The following NCOA2 variants were observed in gnomAD, a reference collection of about 807,000 sequenced individuals.
The protein encoded by NCOA2 is nuclear receptor coactivator 2.
In NCOA2, 21 loss-of-function variants were observed where a neutral mutation model predicts 145.1. That is an observed-to-expected ratio of 0.14 (90% CI 0.10 to 0.21). NCOA2 has a LOEUF of 0.21. NCOA2 is among the 10% of genes least tolerant of loss of function. The pLI is 1.00. For synonymous variants in NCOA2, 619 were observed against 637.5 expected (o/e 0.97, Z 0.44); for missense variants, 1,472 against 1,837.6 (o/e 0.80, Z 3.64).
chr8:70,384,808 G>T (rs1812513949), intron 1 of NCOA2, among the ~76,000 whole-genome samples: 1 of 152,164 alleles, frequency 6.6e-6, no homozygotes, highest in Non-Finnish European at 1.5e-5. Flanking sequence ...CCACAGGAAT[G>T]TAACAGGGAC....
chr8:70,157,941 A>G (rs1812472408), intron 10 of NCOA2, among the ~76,000 whole-genome samples: 1 of 152,222 alleles, frequency 6.6e-6, no homozygotes. Context: ...GGATAACTCC[A>G]TTCCATCTCC....
chr8:70,441,547 GA>G, the NCOA2 span, among the ~76,000 whole-genome samples: 1 of 148,162 alleles, frequency 6.7e-6, no homozygotes, highest in African/African-American at 2.5e-5. Context: ...GAAAGAGAGA[GA>G]AAGAAAGAGG....
At chr8:70,157,605 T>C (rs1481818433) in intron 10 of NCOA2, among the ~76,000 whole-genome samples, 2 of 152,228 alleles carry the variant, frequency 1.3e-5, no homozygotes, top group Non-Finnish European at 1.5e-5. Context: ...AAGAAATGAG[T>C]AGAGCTGTCT....
chr8:70,262,772 T>C (rs1279455835), intron 2 of NCOA2, among the ~76,000 whole-genome samples: 1 of 152,130 alleles, frequency 6.6e-6, no homozygotes, highest in Non-Finnish European at 1.5e-5. Flanking sequence ...CTTTTATCTT[T>C]AGGGAAGTGA....
chr8:70,207,519 C>T (rs750297167), intron 4 of NCOA2, among the ~76,000 whole-genome samples: 1 of 152,026 alleles, frequency 6.6e-6, no homozygotes, highest in Non-Finnish European at 1.5e-5. Context: ...TGAAAATGTG[C>T]GAAAATGAAT....
chr8:70,275,689 A>G (rs1426347335), intron 2 of NCOA2, among the ~76,000 whole-genome samples: 1 of 152,214 alleles, frequency 6.6e-6, no homozygotes, highest in African/African-American at 2.4e-5. Flanking sequence ...CAAAGACATA[A>G]AAGCAAATTT....
intron 1 of NCOA2, among the ~76,000 whole-genome samples, chr8:70,402,952 C>T (rs1214301528): frequency 6.9e-6 from 1 of 144,888 alleles, no homozygotes; most frequent in Non-Finnish European, 1.5e-5. Flanking sequence ...CAGCTCCTTC[C>T]CGTCCGCCCG....
intron 1 of NCOA2, among the ~76,000 whole-genome samples, chr8:70,310,039 A>G (rs557172231): frequency 6.6e-6 from 1 of 151,990 alleles, no homozygotes; most frequent in African/African-American, 2.4e-5. Flanking sequence ...TTCAGATCAA[A>G]TCAAAACACA....
At chr8:70,258,219 T>C (rs1823811298) in intron 2 of NCOA2, among the ~76,000 whole-genome samples, 2 of 152,228 alleles carry the variant, frequency 1.3e-5, no homozygotes, top group Admixed American at 6.5e-5. Context: ...TAATGCCCAA[T>C]GGGCATTTCT....
chr8:70,268,747 G>A lies in NCOA2; in HGVS notation c.-20+27997C>T, dbSNP rs1052395949. Among the ~76,000 whole-genome samples, 10 of 152,126 alleles carry A rather than the reference G, an allele frequency of 6.6e-5. 1 individual carries two copies. The highest frequency in any genetic ancestry group is 5.9e-4 in the Admixed American group (9 of 15,278). On this transcript the variant is annotated intron_variant, in intron 2 of 22. Coordinates refer to ENST00000452400, the MANE Select transcript of NCOA2 (RefSeq NM_006540.4). Reference sequence around the variant, plus strand: ...GAGTTAGTACAAGTAAAACAGAAAAGCACCTAACATGAATTCTGTACAAAT... The same window carrying A: ...GAGTTAGTACAAGTAAAACAGAAAAACACCTAACATGAATTCTGTACAAAT...
rs71275063 is a variant in NCOA2 at position 70,301,655 on chromosome 8, CAA to C, written c.-76-4857_-76-4856del. Among the ~76,000 whole-genome samples, 583 of 60,102 alleles carry C rather than the reference CAA, an allele frequency of 9.7e-3. 1 individual carries two copies. The highest frequency in any genetic ancestry group is 0.032 in the African/African-American group (451 of 14,238). 39.4% of individuals were successfully genotyped at this position (60,102 alleles called of 152,430 possible). A position where few individuals can be genotyped will look rare whatever the true frequency, so the allele number is the denominator to read the frequency against. On this transcript the variant is annotated intron_variant, in intron 1 of 22. Transcript: ENST00000452400. ...TAGGTGACAGAGTGAGACCCTTTCT[CAA>C]AAAAAAAAAAAAAAAAAAAAAAAGA...
intron 2 of NCOA2, among the ~76,000 whole-genome samples, chr8:70,269,729 T>C (rs377535521): frequency 6.6e-6 from 1 of 152,190 alleles, no homozygotes; most frequent in Non-Finnish European, 1.5e-5. Context: ...ATACAAAATA[T>C]ACATGTTTGC....
intron 22 of NCOA2, among the ~76,000 whole-genome samples, chr8:70,116,186 T>TAAAAAAAAAAAAA (rs71558579): frequency 1.2e-5 from 1 of 80,662 alleles, no homozygotes; most frequent in African/African-American, 5.4e-5. Flanking sequence ...GACTCTGTCT[T>TAAAAAAAAAAAAA]AAAAAAAAAA....
intron 2 of NCOA2, among the ~76,000 whole-genome samples, chr8:70,220,645 A>C (rs1464989898): frequency 6.6e-6 from 1 of 152,250 alleles, no homozygotes; most frequent in Non-Finnish European, 1.5e-5. Flanking sequence ...AAAGCAAAAT[A>C]AAATGTTAAA....
chr8:70,152,749 A>G (rs1811882055), intron 11 of NCOA2, among the ~76,000 whole-genome samples: 2 of 152,224 alleles, frequency 1.3e-5, no homozygotes, highest in Non-Finnish European at 2.9e-5. Context: ...AAAAAATGCT[A>G]TTTTGGGTAT....
intron 14 of NCOA2, among the ~76,000 whole-genome samples, chr8:70,139,670 T>TTTTTTTG (rs1810152240): frequency 7.1e-6 from 1 of 141,682 alleles, no homozygotes; most frequent in African/African-American, 2.8e-5. Context: ...TTTTTTTTTT[T>TTTTTTTG]GAGGAGGAGT....
In NCOA2 at chr8:70,156,461, C is replaced by A. The variant is rs954384344; in HGVS notation, c.1904G>T (p.Ser635Ile). Residue 635 changes from serine (S) to isoleucine (I), a missense_variant, in exon 11 of 23, where the codon AGC becomes ATC. By Grantham distance (142) the Ser-to-Ile change is moderately radical (BLOSUM62 -2). Coordinates refer to ENST00000452400, the MANE Select transcript of NCOA2 (RefSeq NM_006540.4). ...CTGCAGGAGTTTGGTCTGCCCTTTG[C>A]TGTCATGCAGTCTGCTCTGCCCGTC... ...RADGQSRLHD[S>I]KGQTKLLQLL... 1 of 1,613,784 alleles carries A rather than the reference C, an allele frequency of 6.2e-7. No homozygotes were observed. Among genetic ancestry groups the A allele is most frequent in the Admixed American group, 1.7e-5 (1 of 60,004 alleles).
intron 1 of NCOA2, among the ~76,000 whole-genome samples, chr8:70,339,165 T>C (rs1807899277): frequency 6.6e-6 from 1 of 152,196 alleles, no homozygotes; most frequent in Non-Finnish European, 1.5e-5. Flanking sequence ...GAAGACAGCA[T>C]GATCCAGCAT....
At chr8:70,243,791 G>GAAAAAA (rs200949977) in intron 2 of NCOA2, among the ~76,000 whole-genome samples, 8 of 99,558 alleles carry the variant, frequency 8.0e-5, no homozygotes, top group African/African-American at 2.2e-4. Flanking sequence ...ATAAAAAATG[G>GAAAAAA]AAAAAAAAAA....
Sources: gnomAD v4.1 joint callset for allele counts (sites outside exome capture counted in the v4.1 genomes callset) on GRCh38, gnomAD v4.1.1 for gene constraint, MANE v1.5 for transcripts, NCBI Gene and HGNC (gene_info 2026-07-23, HGNC 2026-07-21) for gene names.